The following PINK1 variants were observed in gnomAD, a reference collection of about 807,000 sequenced individuals.
PINK1 encodes PTEN induced kinase 1, also known as serine/threonine-protein kinase PINK1, mitochondrial.
Under a neutral mutation model 56.0 loss-of-function variants are expected in PINK1, and 58 were observed. The observed-to-expected ratio is 1.04, with a 90% CI of 0.84 to 1.29. PINK1 has a LOEUF of 1.29. Among genes scored for constraint, PINK1 ranks in the 50% most tolerant of loss-of-function variants. The pLI, the probability that PINK1 is intolerant of heterozygous loss-of-function variation, is 0.00. For missense variants in PINK1, 745 were observed against 777.9 expected, an observed-to-expected ratio of 0.96 and a Z score of 0.50; for synonymous variants, 354 against 339.3, an observed-to-expected ratio of 1.04 and a Z score of -0.48.
chr1:20,646,060 C>A (rs540009303), intron 5 of PINK1, among the ~76,000 whole-genome samples: 11 of 152,050 alleles, frequency 7.2e-5, no homozygotes, highest in Admixed American at 5.9e-4. Context: ...TTGCTTGAGG[C>A]CAGCAGTTTG....
chr1:20,650,088 G>A, intron 7 of PINK1: 1 of 377,544 alleles, frequency 2.6e-6, no homozygotes, highest in South Asian at 2.2e-5. Flanking sequence ...GCGCAGTGAA[G>A]GTTAGAACAA....
In PINK1 at chr1:20,638,129, G is replaced by A. The variant is rs1030358140; in HGVS notation, c.675G>A (p.Ser225=). 11 of 1,610,530 alleles carry A rather than the reference G, an allele frequency of 6.8e-6. No homozygotes were observed. Among genetic ancestry groups the A allele is most frequent in the African/African-American group, 5.3e-5 (4 of 74,906 alleles). Residue 225 remains serine (S), a splice_region_variant and synonymous_variant, in exon 2 of 8, where the codon TCG becomes TCA. Transcript: ENST00000321556. ...CCATCAAGATGATGTGGAACATCTC[G>A]GTAAGCACCAGGCCTTTCATCTTTA... The part of the protein sequence containing the change: ...PLAIKMMWNI[S]AGSSSEAILN...
chr1:20,638,274 CT>C (rs1570400220), intron 2 of PINK1, 145 bp downstream of exon 2: 2 of 888,622 alleles, frequency 2.3e-6, no homozygotes, highest in Non-Finnish European at 3.4e-6. Flanking sequence ...TTACCTCCCC[CT>C]GTTACACAGA....
At chr1:20,649,416 C>G (rs2053235918) in intron 7 of PINK1, 185 bp downstream of exon 7, 2 of 622,028 alleles carry the variant, frequency 3.2e-6, no homozygotes, top group African/African-American at 1.8e-5. Context: ...CTAGCCACCA[C>G]AGCATAGTCA....
Position 20,637,852 on chromosome 1 carries a change from C to A in PINK1, c.398C>A (p.Thr133Asn). Residue 133 changes from threonine (T) to asparagine (N), a missense_variant, in exon 2 of 8, where the codon ACC becomes AAC. Thr to Asn is a moderately conservative substitution (Grantham distance 65). Coordinates refer to ENST00000321556, the MANE Select transcript of PINK1 (RefSeq NM_032409.3). ...SACQEIQAIF[T>N]QKSKPGPDPL... is the part of the protein sequence containing the mutation. The stretch of plus-strand genomic sequence containing the variant: ...CTTTTCTCATCACAGGCAATTTTTA[C>A]CCAGAAAAGCAAGCCGGGGCCTGAC... 1 of 1,614,080 alleles carries A rather than the reference C, an allele frequency of 6.2e-7. No homozygotes were observed.
At chr1:20,645,492 A>AAAG (rs778071671) in intron 4 of PINK1, 68 bp from the exon 5 acceptor site, 1 of 1,467,342 alleles carries the variant, frequency 6.8e-7, no homozygotes, top group South Asian at 1.2e-5. Context: ...CATCTCAAAA[A>AAAG]AAAAAAAAAA....
At chr1:20,639,419 A>G (rs772707894) in intron 2 of PINK1, 1 of 251,288 alleles carries the variant, frequency 4.0e-6, no homozygotes. Context: ...TGCTTTCCCC[A>G]CTCTTTGGTT....
chr1:20,645,504 A>AC lies in PINK1; in HGVS notation c.960-55dup, dbSNP rs55946432. ...CTCCATCTCAAAAAAAAAAAAAAAA[A>AC]CGTATTGGGAGTCGTCGATGTGTGG... On this transcript the variant is annotated intron_variant, in intron 4 of 7. Coordinates refer to ENST00000321556, the MANE Select transcript of PINK1 (RefSeq NM_032409.3). The AC allele has an allele frequency of 4.6e-6, 7 of 1,517,128 alleles. No individual in the cohort carries two copies. The African/African-American group carries it at 9.7e-5, about 21-fold the overall frequency. 94.0% of individuals were successfully genotyped at this position (1,517,128 alleles called of 1,614,324 possible).
chr1:20,645,866 T>A (rs1434480103), intron 5 of PINK1, 143 bp downstream of exon 5: 1 of 1,120,316 alleles, frequency 8.9e-7, no homozygotes, highest in Non-Finnish European at 1.3e-6. Context: ...AGGTTAGCAA[T>A]CTCTCCCTTA....
At chr1:20,638,451 T>A (rs2053080202) in intron 2 of PINK1, 1 of 350,684 alleles carries the variant, frequency 2.9e-6, no homozygotes, top group Non-Finnish European at 5.4e-6. Flanking sequence ...GGCAACATGA[T>A]GAAACCCCAT....
chr1:20,649,637 C>T (rs370832326), intron 7 of PINK1: 4 of 221,606 alleles, frequency 1.8e-5, no homozygotes, highest in Admixed American at 5.2e-5. Context: ...TCGTGGCACA[C>T]GCCTGTAATT....
intron 5 of PINK1, 85 bp from the exon 6 acceptor site, chr1:20,648,420 G>A: frequency 6.3e-7 from 1 of 1,584,858 alleles, no homozygotes; most frequent in African/African-American, 1.3e-5. Flanking sequence ...GCTATGTCTT[G>A]CTGGTGGCTT....
chr1:20,640,897 A>G (rs931586499), intron 3 of PINK1, among the ~76,000 whole-genome samples: 1 of 152,092 alleles, frequency 6.6e-6, no homozygotes, highest in Non-Finnish European at 1.5e-5. Flanking sequence ...TTAGCCGGGC[A>G]TGGGGGCAAA....
chr1:20,640,008 C>T lies in PINK1; in HGVS notation c.776+16C>T. The T allele has an allele frequency of 6.3e-7, 1 of 1,584,214 alleles. No homozygotes were observed. Among genetic ancestry groups the T allele is most frequent in the Non-Finnish European group, 8.6e-7 (1 of 1,165,226 alleles). On this transcript the variant is annotated intron_variant, in intron 3 of 7. Coordinates refer to ENST00000321556, the MANE Select transcript of PINK1 (RefSeq NM_032409.3). ...TCACTTACAGGTAAGTGCCCTCTGCCTGCCAGACTGACTGGGACTTCTTTG... is the reference window on the plus strand; with the variant it reads ...TCACTTACAGGTAAGTGCCCTCTGCTTGCCAGACTGACTGGGACTTCTTTG...
intron 2 of PINK1, 87 bp downstream of exon 2, chr1:20,638,216 G>T: frequency 6.8e-7 from 1 of 1,473,112 alleles, no homozygotes; most frequent in Non-Finnish European, 9.2e-7. Flanking sequence ...CCAGGAAGTA[G>T]GTAGGAAAAG....
intron 3 of PINK1, among the ~76,000 whole-genome samples, chr1:20,640,407 A>C (rs2053104478): frequency 6.6e-6 from 1 of 150,694 alleles, no homozygotes; most frequent in Admixed American, 6.6e-5. Flanking sequence ...TAAAAAAAAC[A>C]AAAAGTGGTC....
At chr1:20,650,102 CTGCAACCAGTTA>C in intron 7 of PINK1, 1 of 397,970 alleles carries the variant, frequency 2.5e-6, no homozygotes, top group Admixed American at 3.6e-5. Flanking sequence ...AGAACAACAG[CTGCAACCAGTTA>C]TGAAATGATA....
At position 20,650,489 on chromosome 1, in the gene PINK1, A is replaced by G. The variant is rs141363209; in HGVS notation, c.1544A>G (p.His515Arg). ...NVLHLSLWGE[H>R]ILALKNLKLD... is the part of the protein sequence containing the mutation. Reference sequence around the variant, plus strand: ...CTTCATCTAAGCCTCTGGGGTGAACATATTCTAGCCCTGAAGAATCTGAAG... The same window carrying G: ...CTTCATCTAAGCCTCTGGGGTGAACGTATTCTAGCCCTGAAGAATCTGAAG... Residue 515 changes from histidine (H) to arginine (R), a missense_variant, in exon 8 of 8, where the codon CAT (histidine) becomes CGT (arginine). Physicochemically the swap from His to Arg is conservative, Grantham distance 29. Transcript: ENST00000321556. The G allele has an allele frequency of 8.7e-6, 14 of 1,614,172 alleles. No individual in the cohort carries two copies. The highest frequency in any genetic ancestry group is 8.3e-5 in the Admixed American group (5 of 60,024).
chr1:20,647,052 G>GGTTTT (rs2053191284), intron 5 of PINK1, among the ~76,000 whole-genome samples: 2 of 83,412 alleles, frequency 2.4e-5, no homozygotes, highest in Non-Finnish European at 5.2e-5. Flanking sequence ...GCTAATTTTT[G>GGTTTT]ATTTTTTTTT....
Sources: gnomAD v4.1 joint callset for allele counts (sites outside exome capture counted in the v4.1 genomes callset) on GRCh38, gnomAD v4.1.1 for gene constraint, MANE v1.5 for transcripts, NCBI Gene and HGNC (gene_info 2026-07-23, HGNC 2026-07-21) for gene names.